The following MYLK3 variants were observed in gnomAD, a reference collection of about 807,000 sequenced individuals.
The protein encoded by MYLK3 is myosin light chain kinase 3.
MYLK3 carries 55 observed loss-of-function variants against 76.3 expected under a neutral mutation model. The observed-to-expected ratio is 0.72, with a 90% CI of 0.58 to 0.90. MYLK3 has a LOEUF of 0.90. Among genes scored for constraint, MYLK3 ranks in the 40% least tolerant of loss-of-function variants. The pLI is 0.00. For missense variants in MYLK3, 973 were observed against 1,053.6 expected, an observed-to-expected ratio of 0.92 and a Z score of 1.06; for synonymous variants, 416 against 425.4, an observed-to-expected ratio of 0.98 and a Z score of 0.27.
At chr16:46,756,784 TA>T (rs1475323165) in intron 1 of MYLK3, among the ~76,000 whole-genome samples, 2 of 152,160 alleles carry the variant, frequency 1.3e-5, no homozygotes, top group Admixed American at 6.5e-5. Flanking sequence ...TTAACTGCAA[TA>T]ACCACAGGGC....
chr16:46,730,773 A>G (rs1966851116), intron 4 of MYLK3, 75 bp from the exon 5 acceptor site: 2 of 1,312,008 alleles, frequency 1.5e-6, no homozygotes, highest in East Asian at 4.6e-5. Context: ...TGCCAGACCC[A>G]CTTAGCTTCT....
chr16:46,721,452 T>C (rs565755746), intron 8 of MYLK3, among the ~76,000 whole-genome samples: 2 of 152,314 alleles, frequency 1.3e-5, no homozygotes, highest in Admixed American at 1.3e-4. Flanking sequence ...GGTCACTATG[T>C]AGGAGTGCAG....
chr16:46,719,155 C>T (rs1266722829), intron 9 of MYLK3, among the ~76,000 whole-genome samples: 1 of 151,708 alleles, frequency 6.6e-6, no homozygotes, highest in South Asian at 2.1e-4. Flanking sequence ...GGTGAAACCC[C>T]GTCTCTACTA....
chr16:46,741,680 GC>G (rs1222744874), intron 1 of MYLK3, among the ~76,000 whole-genome samples: 2 of 152,126 alleles, frequency 1.3e-5, no homozygotes, highest in Non-Finnish European at 2.9e-5. Flanking sequence ...TGGGGGCCCA[GC>G]CAGGGCCTTC....
At chr16:46,726,719 AAG>A (rs1262885540) in intron 8 of MYLK3, 2 of 149,026 alleles carry the variant, frequency 1.3e-5, no homozygotes, top group African/African-American at 4.9e-5. Context: ...GAAAGAAAGA[AAG>A]AAAGAAAGAA....
intron 11 of MYLK3, 124 bp from the exon 12 acceptor site, chr16:46,709,795 C>T: frequency 1.7e-6 from 2 of 1,157,754 alleles, no homozygotes; most frequent in South Asian, 3.2e-5. Context: ...AGATTCATGC[C>T]ATGTACCAAA....
intron 8 of MYLK3, among the ~76,000 whole-genome samples, chr16:46,723,167 T>C (rs548531691): frequency 6.6e-6 from 1 of 152,162 alleles, no homozygotes; most frequent in South Asian, 2.1e-4. Flanking sequence ...CCCATGGCAA[T>C]CATTAATGTA....
chr16:46,710,952 T>A, intron 10 of MYLK3, 163 bp from the exon 11 acceptor site: 1 of 764,390 alleles, frequency 1.3e-6, no homozygotes, highest in African/African-American at 1.8e-5. Flanking sequence ...GTCCAGTGTG[T>A]TCATTAAAGG....
chr16:46,716,473 ATGTGTGTGTGTATGTGTATATATATG>A (rs1966739855), intron 9 of MYLK3, among the ~76,000 whole-genome samples: 2 of 146,400 alleles, frequency 1.4e-5, no homozygotes, highest in Non-Finnish European at 3.0e-5. Flanking sequence ...GTATATATAT[ATGTGTGTGTGTATGTGTATATATATG>A]TGTGTGTGTG....
Position 46,729,705 on chromosome 16 carries a change from C to T in MYLK3, c.1569-18G>A, listed in dbSNP as rs1228633850. The T allele has an allele frequency of 6.2e-7, 1 of 1,611,698 alleles. No homozygotes were observed. Among genetic ancestry groups the T allele is most frequent in the South Asian group, 1.1e-5 (1 of 91,042 alleles). On this transcript the variant is annotated intron_variant, in intron 5 of 12. Coordinates refer to ENST00000394809, the MANE Select transcript of MYLK3 (RefSeq NM_182493.3). ...ACCGACCCCTGCAGAGACATAGCCA[C>T]ACGGCAGGCTGAGAGCCCAGAGGCT...
chr16:46,751,916 A>G (rs1042112842), upstream of MYLK3, among the ~76,000 whole-genome samples: 24 of 152,172 alleles, frequency 1.6e-4, no homozygotes, highest in Admixed American at 1.6e-3. Flanking sequence ...TGCACAGGAC[A>G]CAGCAGGGGG....
chr16:46,748,103 T>C lies in MYLK3; in HGVS notation c.91A>G (p.Met31Val). ...CLTTMDTKLN[M>V]LNEKVDQLLH... The stretch of plus-strand genomic sequence containing the variant: ...AGCTGGTCCACCTTCTCGTTCAGCA[T>C]GTTCAGCTTTGTGTCCATGGTTGTT... The change falls in exon 1 of 13, where the codon ATG becomes GTG. Residue 31 changes from methionine (M) to valine (V), a missense_variant. Coordinates refer to ENST00000394809, the MANE Select transcript of MYLK3 (RefSeq NM_182493.3). This position sits in a 1 kb window ranked among gnomAD's most constrained non-coding sequence, Gnocchi z 4.3. The C allele has an allele frequency of 1.2e-6, 2 of 1,614,262 alleles. No individual in the cohort carries two copies. The highest frequency in any genetic ancestry group is 1.7e-6 in the Non-Finnish European group (2 of 1,180,044).
intron 3 of MYLK3, among the ~76,000 whole-genome samples, chr16:46,733,883 C>CT (rs1966857948): frequency 1.3e-5 from 2 of 152,224 alleles, no homozygotes; most frequent in Non-Finnish European, 2.9e-5. Flanking sequence ...TCAGTTCTCT[C>CT]TTTTCTCTTC....
chr16:46,703,122 A>G lies in MYLK3; in HGVS notation c.*4582T>C, dbSNP rs1966592732. The stretch of plus-strand genomic sequence containing the variant: ...TATGTCTCTTCACAAATGGGATGAT[A>G]CCATATATACATTCTATAATTTAAG... On this transcript the variant is annotated 3_prime_UTR_variant, in exon 13 of 13. Coordinates refer to ENST00000394809, the MANE Select transcript of MYLK3 (RefSeq NM_182493.3). Among the ~76,000 whole-genome samples the G allele has an allele frequency of 6.6e-6, 1 of 152,158 alleles. No homozygotes were observed. The highest frequency in any genetic ancestry group is 2.4e-5 in the African/African-American group (1 of 41,436).
chr16:46,739,663 T>C (rs1010045220), intron 2 of MYLK3, among the ~76,000 whole-genome samples: 3 of 152,252 alleles, frequency 2.0e-5, no homozygotes, highest in African/African-American at 7.2e-5. Flanking sequence ...TAATAACATT[T>C]TCTTTTCTTT....
chr16:46,711,540 T>A, intron 10 of MYLK3: 1 of 299,214 alleles, frequency 3.3e-6, no homozygotes, highest in Non-Finnish European at 6.7e-6. Context: ...AAACAGTGCC[T>A]CATTCTGTCA....
At chr16:46,761,762 G>A (rs149442229) in intron 1 of MYLK3, among the ~76,000 whole-genome samples, 1 of 152,300 alleles carries the variant, frequency 6.6e-6, no homozygotes, top group East Asian at 1.9e-4. Flanking sequence ...GGGTTGCAGT[G>A]AGCTGAGATT....
intron 3 of MYLK3, among the ~76,000 whole-genome samples, chr16:46,735,453 G>A (rs929321096): frequency 3.3e-5 from 5 of 152,096 alleles, no homozygotes; most frequent in African/African-American, 9.7e-5. Context: ...TGATCCGCCC[G>A]CCTCGGCCTC....
At chr16:46,715,356 T>C (rs1966725818) in intron 9 of MYLK3, among the ~76,000 whole-genome samples, 2 of 152,238 alleles carry the variant, frequency 1.3e-5, no homozygotes, top group Non-Finnish European at 2.9e-5. Flanking sequence ...AAGCCTCTGG[T>C]TTTGGGGTGG....
Sources: allele counts gnomAD v4.1 joint callset (sites outside exome capture counted in the v4.1 genomes callset), GRCh38; gene constraint gnomAD v4.1.1; non-coding constraint Gnocchi (gnomAD v3.1); transcripts MANE v1.5; gene names NCBI Gene and HGNC (gene_info 2026-07-23, HGNC 2026-07-21).